The following DPP10 variants were observed in gnomAD, a reference collection of about 807,000 sequenced individuals.
The protein encoded by DPP10 is dipeptidyl peptidase like 10, also known as inactive dipeptidyl peptidase 10.
In DPP10, 33 loss-of-function variants were observed where a neutral mutation model predicts 120.9. That is an observed-to-expected ratio of 0.27 (90% CI 0.21 to 0.37). The LOEUF is 0.37. Ranked by LOEUF, DPP10 falls within the 10% of genes least tolerant of loss-of-function variation. DPP10 has a pLI of 1.00. For synonymous variants in DPP10, 337 were observed against 326.1 expected (o/e 1.03, Z -0.36); for missense variants, 816 against 942.8 (o/e 0.87, Z 1.76).
chr2:115,646,709 C>G (rs1222280606), intron 5 of DPP10, among the ~76,000 whole-genome samples: 1 of 152,122 alleles, frequency 6.6e-6, no homozygotes, highest in African/African-American at 2.4e-5. Flanking sequence ...GCAGGTTAAA[C>G]AGACTGTTTT....
intron 5 of DPP10, among the ~76,000 whole-genome samples, chr2:115,638,715 A>G (rs1024861419): frequency 6.6e-6 from 1 of 152,200 alleles, no homozygotes. Context: ...ATCTGGACCA[A>G]CAAATGTGTA....
intron 1 of DPP10, among the ~76,000 whole-genome samples, chr2:115,033,681 C>T (rs1224189403): frequency 7.0e-6 from 1 of 143,566 alleles, no homozygotes; most frequent in Non-Finnish European, 1.5e-5. Flanking sequence ...CAATTTTTAC[C>T]GCAATATCTT....
chr2:114,914,870 G>C (rs547942599), intron 1 of DPP10, among the ~76,000 whole-genome samples: 30 of 152,288 alleles, frequency 2.0e-4, no homozygotes, highest in African/African-American at 6.5e-4. Context: ...GGTGGCTCAC[G>C]CCTGTAATCC....
chr2:115,491,995 C>A, intron 3 of DPP10, among the ~76,000 whole-genome samples: 1 of 151,982 alleles, frequency 6.6e-6, no homozygotes, highest in East Asian at 1.9e-4. Flanking sequence ...GATGGAGGAG[C>A]CTGAACAAAT....
intron 7 of DPP10, among the ~76,000 whole-genome samples, chr2:115,720,810 A>T (rs1456397715): frequency 1.3e-5 from 2 of 152,188 alleles, no homozygotes; most frequent in Non-Finnish European, 2.9e-5. Context: ...CATGACTAAA[A>T]AATTAAATGA....
chr2:114,899,506 G>C (rs146877565), intron 1 of DPP10, among the ~76,000 whole-genome samples: 39 of 151,884 alleles, frequency 2.6e-4, no homozygotes, highest in African/African-American at 7.7e-4. Flanking sequence ...AACTTTTGTC[G>C]TAATGAATTT....
intron 2 of DPP10, among the ~76,000 whole-genome samples, chr2:115,329,559 T>C (rs933550025): frequency 6.6e-6 from 1 of 152,088 alleles, no homozygotes; most frequent in East Asian, 1.9e-4. Context: ...TTACATTAGG[T>C]ATATCTCCTA....
intron 1 of DPP10, among the ~76,000 whole-genome samples, chr2:114,922,362 G>C (rs1189275697): frequency 6.6e-6 from 1 of 152,134 alleles, no homozygotes; most frequent in Non-Finnish European, 1.5e-5. Flanking sequence ...ACTCAGGCTG[G>C]AGTCCAATGG....
At chr2:114,527,828 T>C (rs1685631942) in intron 1 of DPP10, among the ~76,000 whole-genome samples, 1 of 152,170 alleles carries the variant, frequency 6.6e-6, no homozygotes, top group Non-Finnish European at 1.5e-5. Context: ...CATGTTACTG[T>C]ACTGAATACT....
At chr2:115,120,859 C>A (rs11123281) in intron 1 of DPP10, among the ~76,000 whole-genome samples, 1 of 151,974 alleles carries the variant, frequency 6.6e-6, no homozygotes, top group Non-Finnish European at 1.5e-5. Flanking sequence ...TTCTTTATAA[C>A]CTTTCTTACC....
chr2:115,321,019 G>T (rs184841255), intron 2 of DPP10, among the ~76,000 whole-genome samples: 3 of 152,130 alleles, frequency 2.0e-5, no homozygotes, highest in Admixed American at 1.3e-4. Flanking sequence ...TCTGTTCTTG[G>T]CTGGGAGCAG....
At chr2:115,572,105 C>G in intron 5 of DPP10, among the ~76,000 whole-genome samples, 1 of 151,872 alleles carries the variant, frequency 6.6e-6, no homozygotes, top group South Asian at 2.1e-4. Context: ...AACACCACAC[C>G]TGGGTTGCCA....
At chr2:115,163,248 G>T (rs192013483) in intron 1 of DPP10, among the ~76,000 whole-genome samples, 1 of 152,282 alleles carries the variant, frequency 6.6e-6, no homozygotes, top group Admixed American at 6.5e-5. Flanking sequence ...AGGAGTGGTG[G>T]CGAGACACAG....
chr2:115,208,873 G>A (rs1574016747), intron 1 of DPP10, among the ~76,000 whole-genome samples: 1 of 152,244 alleles, frequency 6.6e-6, no homozygotes, highest in Middle Eastern at 3.4e-3. Flanking sequence ...AATGTACAAA[G>A]CTATAAAAAT....
intron 1 of DPP10, among the ~76,000 whole-genome samples, chr2:114,998,768 C>T (rs144184103): frequency 0.025 from 3,805 of 152,248 alleles, 70 homozygotes; most frequent in Non-Finnish European, 0.036. Context: ...GAACAGAAAA[C>T]GCACAGAGGA....
rs1230501923 is a variant in DPP10 at position 114,442,652 on chromosome 2, A to AAGCAACAGCAGTAGCAGCGGCAGC, written c.-115_-92dup. ...GAAGCAGCAGAAACAGAAGCAGCAG[A>AAGCAACAGCAGTAGCAGCGGCAGC]AGCAACAGCAGTAGCAGCGGCAGCA... On this transcript the variant is annotated 5_prime_UTR_variant, in exon 1 of 26. Coordinates refer to ENST00000410059, the MANE Select transcript of DPP10 (RefSeq NM_020868.6). 3.4e-5 allele frequency: 35 copies of AAGCAACAGCAGTAGCAGCGGCAGC among 1,029,540 alleles called. No individual in the cohort carries two copies. The highest frequency in any genetic ancestry group is 1.5e-4 in the Admixed American group (7 of 46,840). The allele number at this position is 1,029,540 out of a possible 1,614,324, so 63.8% of individuals were successfully genotyped here. A position where few individuals can be genotyped will look rare whatever the true frequency, so the allele number is the denominator to read the frequency against.
chr2:115,189,399 G>T (rs2054702652), intron 1 of DPP10, among the ~76,000 whole-genome samples: 1 of 152,194 alleles, frequency 6.6e-6, no homozygotes, highest in South Asian at 2.1e-4. Context: ...GTCAAAGCAG[G>T]TGACCAGGGG....
chr2:115,481,493 C>G (rs529150838), intron 3 of DPP10, among the ~76,000 whole-genome samples: 2 of 152,204 alleles, frequency 1.3e-5, no homozygotes, highest in East Asian at 3.9e-4. Flanking sequence ...AATCGTAATT[C>G]AGGAGTTTTA....
chr2:114,990,546 T>C (rs1025274850), intron 1 of DPP10, among the ~76,000 whole-genome samples: 1 of 152,212 alleles, frequency 6.6e-6, no homozygotes, highest in African/African-American at 2.4e-5. Flanking sequence ...TCTTGGATTT[T>C]CTGCGATTTC....
Sources: allele counts gnomAD v4.1 joint callset (sites outside exome capture counted in the v4.1 genomes callset), GRCh38; gene constraint gnomAD v4.1.1; transcripts MANE v1.5; gene names NCBI Gene and HGNC (gene_info 2026-07-23, HGNC 2026-07-21).